PDE1C: variants seen among roughly 807,000 people sequenced by gnomAD.
PDE1C encodes dual specificity calcium/calmodulin-dependent 3',5'-cyclic nucleotide phosphodiesterase 1C.
In PDE1C, 62 loss-of-function variants were observed where a neutral mutation model predicts 93.1. The observed-to-expected ratio is 0.67, with a 90% CI of 0.54 to 0.82. The LOEUF (loss-of-function observed/expected upper bound fraction) is 0.82, where lower values mean the gene tolerates loss of function less well. Among genes scored for constraint, PDE1C ranks in the 40% least tolerant of loss-of-function variants. The pLI, the probability that PDE1C is intolerant of heterozygous loss-of-function variation, is 0.00. For synonymous variants in PDE1C, 325 were observed against 310.1 expected, an observed-to-expected ratio of 1.05 and a Z score of -0.50; for missense variants, 742 against 884.6, an observed-to-expected ratio of 0.84 and a Z score of 2.04.
intron 1 of PDE1C, among the ~76,000 whole-genome samples, chr7:32,310,624 A>C (rs1783000858): frequency 6.6e-6 from 1 of 152,238 alleles, no homozygotes; most frequent in East Asian, 1.9e-4. Context: ...AACTACATGG[A>C]AACTGAACAA....
intron 1 of PDE1C, among the ~76,000 whole-genome samples, chr7:32,336,485 G>A (rs1051122190): frequency 3.3e-5 from 5 of 152,078 alleles, no homozygotes; most frequent in African/African-American, 1.2e-4. Flanking sequence ...AGAAACATAA[G>A]TCTCATAATC....
the PDE1C span, among the ~76,000 whole-genome samples, chr7:31,742,567 C>T: frequency 6.6e-6 from 1 of 152,156 alleles, no homozygotes; most frequent in East Asian, 1.9e-4. Flanking sequence ...CAGCACTTGC[C>T]AATCTTCCTT....
chr7:31,880,497 T>G (rs986375435), intron 3 of PDE1C, among the ~76,000 whole-genome samples: 6 of 152,226 alleles, frequency 3.9e-5, no homozygotes, highest in Non-Finnish European at 7.3e-5. Context: ...GTTTTTCTCC[T>G]CTTTCATGAT....
chr7:31,747,762 TG>T (rs1444224379), downstream of PDE1C, among the ~76,000 whole-genome samples: 1 of 150,114 alleles, frequency 6.7e-6, no homozygotes, highest in Non-Finnish European at 1.5e-5. Flanking sequence ...GTGTGGAAAA[TG>T]GCCCTCATGC....
In PDE1C at chr7:32,422,312, C is replaced by A. The variant is rs1051372849; in HGVS notation, c.310+5510G>T. Among the ~76,000 whole-genome samples, 4 of 152,128 alleles carry A rather than the reference C, an allele frequency of 2.6e-5. No homozygotes were observed. In the South Asian group the frequency reaches 8.3e-4, roughly 31 times the overall value. The stretch of plus-strand genomic sequence containing the variant: ...GTTTATTATTATTTTTTGAGTTAAT[C>A]TTTGTTTTTCATTTGTTTATAATTT... On this transcript the variant is annotated intron_variant, in intron 1 of 1. Coordinates refer to the PDE1C transcript ENST00000672256.
At chr7:32,009,340 C>T (rs551929099) in intron 2 of PDE1C, among the ~76,000 whole-genome samples, 8 of 152,256 alleles carry the variant, frequency 5.3e-5, no homozygotes, top group African/African-American at 7.2e-5. Flanking sequence ...TTAGAATTCA[C>T]AGGACAGCAT....
At chr7:31,763,332 G>T (rs1488048334) in intron 17 of PDE1C, among the ~76,000 whole-genome samples, 1 of 152,156 alleles carries the variant, frequency 6.6e-6, no homozygotes, top group Non-Finnish European at 1.5e-5. Context: ...GGCATTAGAT[G>T]TAGTGTTGTC....
intron 2 of PDE1C, among the ~76,000 whole-genome samples, chr7:31,936,442 A>C (rs1019864952): frequency 2.6e-5 from 4 of 152,242 alleles, no homozygotes; most frequent in Admixed American, 6.5e-5. Context: ...AGAAAAAAAA[A>C]AAAAACTCTA....
At chr7:32,314,330 G>A (rs1325713048) in intron 1 of PDE1C, among the ~76,000 whole-genome samples, 1 of 152,020 alleles carries the variant, frequency 6.6e-6, no homozygotes, top group East Asian at 1.9e-4. Flanking sequence ...TTCATTAAGA[G>A]ACAAAGGGAA....
At chr7:31,886,588 A>G (rs369440144) in intron 2 of PDE1C, among the ~76,000 whole-genome samples, 4 of 152,276 alleles carry the variant, frequency 2.6e-5, no homozygotes, top group Middle Eastern at 3.4e-3. Context: ...GCGAAATGGC[A>G]GAGGTGTGAT....
At chr7:31,667,598 T>A in the PDE1C span, among the ~76,000 whole-genome samples, 1 of 151,896 alleles carries the variant, frequency 6.6e-6, no homozygotes, top group Non-Finnish European at 1.5e-5. Flanking sequence ...GTTCACATTC[T>A]AGTGATGGAG....
chr7:31,668,238 G>A, the PDE1C span, among the ~76,000 whole-genome samples: 1 of 152,136 alleles, frequency 6.6e-6, no homozygotes, highest in East Asian at 1.9e-4. Flanking sequence ...AAAGTAAAGT[G>A]GTTGTAGCCA....
intron 1 of PDE1C, among the ~76,000 whole-genome samples, chr7:32,224,720 GA>G (rs1352143002): frequency 2.6e-5 from 4 of 152,194 alleles, no homozygotes; most frequent in Non-Finnish European, 5.9e-5. Context: ...ATCTACTGCA[GA>G]AATGGGTAAG....
intron 2 of PDE1C, among the ~76,000 whole-genome samples, chr7:31,969,401 T>C (rs920265017): frequency 7.9e-5 from 12 of 152,200 alleles, no homozygotes; most frequent in Non-Finnish European, 1.6e-4. Context: ...ATGCTCATCA[T>C]CACTGGCCAT....
At chr7:31,714,082 C>T in the PDE1C span, among the ~76,000 whole-genome samples, 1 of 152,146 alleles carries the variant, frequency 6.6e-6, no homozygotes, top group African/African-American at 2.4e-5. Flanking sequence ...TTTCTATTGT[C>T]AGGCTGCAAA....
chr7:32,263,178 T>C (rs1009447693), intron 1 of PDE1C, among the ~76,000 whole-genome samples: 1 of 152,188 alleles, frequency 6.6e-6, no homozygotes, highest in Non-Finnish European at 1.5e-5. Flanking sequence ...CAATGTATTG[T>C]TTTAAACTTT....
At chr7:32,291,301 AG>A (rs2128897196) in intron 1 of PDE1C, among the ~76,000 whole-genome samples, 1 of 152,356 alleles carries the variant, frequency 6.6e-6, no homozygotes, top group East Asian at 1.9e-4. Flanking sequence ...AGCAGGATCC[AG>A]GTTAGATGCT....
chr7:31,623,011 G>A, the PDE1C span, among the ~76,000 whole-genome samples: 1 of 152,146 alleles, frequency 6.6e-6, no homozygotes, highest in African/African-American at 2.4e-5. Context: ...TAGAAGAAAT[G>A]GATAAATTCC....
intron 3 of PDE1C, among the ~76,000 whole-genome samples, chr7:32,103,747 G>A (rs1798151462): frequency 6.6e-6 from 1 of 152,054 alleles, no homozygotes; most frequent in Admixed American, 6.6e-5. Context: ...ATAACAAAAA[G>A]GAACCTGGAA....
Sources: gnomAD v4.1 joint callset for allele counts (sites outside exome capture counted in the v4.1 genomes callset) on GRCh38, gnomAD v4.1.1 for gene constraint, MANE v1.5 for transcripts, NCBI Gene and HGNC (gene_info 2026-07-23, HGNC 2026-07-21) for gene names.